Variants in AKNAD1 observed in about 807,000 individuals in gnomAD.
AKNAD1 encodes AKNA domain containing 1.
AKNAD1 carries 67 observed loss-of-function variants against 90.8 expected under a neutral mutation model. That is an observed-to-expected ratio of 0.74 (90% CI 0.61 to 0.90). The LOEUF (loss-of-function observed/expected upper bound fraction) is 0.90, where lower values mean the gene tolerates loss of function less well. Ranked by LOEUF, AKNAD1 falls within the 40% of genes least tolerant of loss-of-function variation. The pLI, the probability that AKNAD1 is intolerant of heterozygous loss-of-function variation, is 0.00. For missense variants in AKNAD1, 957 were observed against 975.4 expected (o/e 0.98, Z 0.25); for synonymous variants, 327 against 341.4 (o/e 0.96, Z 0.46).
At chr1:108,836,483 G>A (rs920314794) in intron 7 of AKNAD1, among the ~76,000 whole-genome samples, 1 of 152,126 alleles carries the variant, frequency 6.6e-6, no homozygotes, top group Non-Finnish European at 1.5e-5. Context: ...GGGGGATTGG[G>A]GGGCTTGGGG....
chr1:108,855,338 G>C (rs1327933874), intron 1 of AKNAD1, among the ~76,000 whole-genome samples: 2 of 151,974 alleles, frequency 1.3e-5, no homozygotes, highest in Non-Finnish European at 2.9e-5. Flanking sequence ...ACTTGAACCC[G>C]GGAGGCAGAG....
intron 5 of AKNAD1, 135 bp downstream of exon 5, chr1:108,848,617 C>T (rs563872878): frequency 6.6e-5 from 51 of 773,496 alleles, no homozygotes; most frequent in Admixed American, 3.0e-4. Flanking sequence ...CCCCCATAAA[C>T]AAAGATGGTT....
intron 6 of AKNAD1, among the ~76,000 whole-genome samples, chr1:108,841,553 A>G (rs1207282725): frequency 6.6e-6 from 1 of 152,176 alleles, no homozygotes; most frequent in Non-Finnish European, 1.5e-5. Context: ...TTTGCACATT[A>G]CCTTGTAAAG....
chr1:108,849,220 C>G (rs1037559232), intron 3 of AKNAD1, among the ~76,000 whole-genome samples, 160 bp from the exon 4 acceptor site: 1 of 152,162 alleles, frequency 6.6e-6, no homozygotes, highest in Non-Finnish European at 1.5e-5. Flanking sequence ...GTGGCTCACA[C>G]CTGTAATCCC....
intron 13 of AKNAD1, among the ~76,000 whole-genome samples, chr1:108,822,028 T>A (rs1418225585): frequency 1.3e-5 from 2 of 152,174 alleles, no homozygotes; most frequent in African/African-American, 4.8e-5. Flanking sequence ...GATTTAGTCA[T>A]GCTGACCACC....
intron 1 of AKNAD1, among the ~76,000 whole-genome samples, chr1:108,855,301 T>C (rs1664998091): frequency 6.6e-6 from 1 of 152,040 alleles, no homozygotes; most frequent in Admixed American, 6.6e-5. Context: ...TAGTCCCAGC[T>C]AGTCAGGAGG....
chr1:108,833,402 G>T (rs1447683124), intron 9 of AKNAD1, among the ~76,000 whole-genome samples: 2 of 152,118 alleles, frequency 1.3e-5, no homozygotes, highest in Non-Finnish European at 2.9e-5. Context: ...GGGCAACGTG[G>T]TGAAACCTCC....
chr1:108,852,435 G>A lies in AKNAD1; in HGVS notation c.230C>T (p.Thr77Ile). The change falls in exon 2 of 16, where the codon ACT (threonine) becomes ATT (isoleucine). Residue 77 changes from threonine to isoleucine, a missense_variant. Thr to Ile is a moderately conservative substitution (Grantham distance 89, BLOSUM62 -1). Transcript: ENST00000370001. ...TAVTIPLGKI[T>I]ENAANKKDEK... ...GTCTTTTTTGTTGGCAGCATTTTCAGTAATTTTACCCAGGGGTATGGTCAC... is the reference window on the plus strand; with the variant it reads ...GTCTTTTTTGTTGGCAGCATTTTCAATAATTTTACCCAGGGGTATGGTCAC... The A allele has an allele frequency of 6.2e-7, 1 of 1,613,748 alleles. No homozygotes were observed. The highest frequency in any genetic ancestry group is 1.3e-5 in the African/African-American group (1 of 74,944).
At chr1:108,853,655 C>G (rs932706894) in intron 1 of AKNAD1, among the ~76,000 whole-genome samples, 1 of 151,644 alleles carries the variant, frequency 6.6e-6, no homozygotes, top group Non-Finnish European at 1.5e-5. Context: ...ACCAAGGGGC[C>G]GGGCACGGTG....
chr1:108,817,089 A>G lies in AKNAD1; in HGVS notation c.2338T>C (p.Ser780Pro). 1 of 1,614,124 alleles carries G rather than the reference A, an allele frequency of 6.2e-7. No individual in the cohort carries two copies. The highest frequency in any genetic ancestry group is 8.5e-7 in the Non-Finnish European group (1 of 1,180,004). ...TCAGTGCTATCAAAGTCACATAAGG[A>G]TTTGCTTCCAGAAATCCTGCAGGAG... ...FYSCRISGSK[S>P]LCDFDSTEEI... Residue 780 changes from serine (S) to proline (P), a missense_variant, in exon 15 of 16, where the codon TCC (serine) becomes CCC (proline). Physicochemically the swap from Ser to Pro is moderately conservative, Grantham distance 74 (BLOSUM62 -1). Transcript: ENST00000370001.
At chr1:108,853,067 T>C (rs1664918865) in intron 1 of AKNAD1, among the ~76,000 whole-genome samples, 1 of 151,926 alleles carries the variant, frequency 6.6e-6, no homozygotes, top group Non-Finnish European at 1.5e-5. Context: ...TAGGAGATAG[T>C]ATTTGGAGTT....
At chr1:108,829,366 G>A (rs1037058468) in intron 10 of AKNAD1, among the ~76,000 whole-genome samples, 2 of 152,170 alleles carry the variant, frequency 1.3e-5, no homozygotes, top group African/African-American at 4.8e-5. Context: ...ATTTAGAAGA[G>A]AGAAATTTAG....
At chr1:108,830,690 T>A in intron 9 of AKNAD1, 40 bp from the exon 10 acceptor site, 4 of 1,601,116 alleles carry the variant, frequency 2.5e-6, no homozygotes, top group Non-Finnish European at 3.4e-6. Flanking sequence ...TGATAGAGGA[T>A]GTGACTCACG....
At chr1:108,841,337 T>C (rs1391889577) in intron 6 of AKNAD1, among the ~76,000 whole-genome samples, 1 of 152,076 alleles carries the variant, frequency 6.6e-6, no homozygotes, top group Non-Finnish European at 1.5e-5. Flanking sequence ...GATTTGGAGA[T>C]AGAAGAGACA....
chr1:108,842,344 CTAAA>C lies in AKNAD1; in HGVS notation c.1379+786_1379+789del, dbSNP rs1224254574. On this transcript the variant is annotated intron_variant, in intron 6 of 15. Transcript: ENST00000370001. ...GCTAAACTCACAAATATTAAGCCTA[CTAAA>C]TAGTTTCTTTTAATTTATACCAGGA... Among the ~76,000 whole-genome samples the C allele has an allele frequency of 3.3e-5, 5 of 152,250 alleles. No homozygotes were observed. The East Asian group carries it at 9.7e-4, about 29-fold the overall frequency.
intron 6 of AKNAD1, among the ~76,000 whole-genome samples, chr1:108,841,745 A>T (rs532152804): frequency 6.6e-6 from 1 of 152,262 alleles, no homozygotes; most frequent in South Asian, 2.1e-4. Context: ...TCCTTGTCAC[A>T]TTATGCCCAT....
chr1:108,834,150 C>T (rs909744956), intron 9 of AKNAD1, among the ~76,000 whole-genome samples: 10 of 152,002 alleles, frequency 6.6e-5, no homozygotes, highest in African/African-American at 2.2e-4. Flanking sequence ...ATTGCAGGCT[C>T]GCCCCAAACT....
chr1:108,832,601 C>A (rs961854888), intron 9 of AKNAD1, among the ~76,000 whole-genome samples: 11 of 152,140 alleles, frequency 7.2e-5, no homozygotes, highest in African/African-American at 2.7e-4. Flanking sequence ...AAGTTCTCAA[C>A]AATGAACATT....
upstream of AKNAD1, among the ~76,000 whole-genome samples, chr1:108,857,828 C>T (rs775666270): frequency 1.1e-4 from 16 of 152,204 alleles, no homozygotes; most frequent in Admixed American, 2.6e-4. Flanking sequence ...GACTTTGTCA[C>T]GGTAAGAGTT....
Sources: allele counts gnomAD v4.1 joint callset (sites outside exome capture counted in the v4.1 genomes callset), GRCh38; gene constraint gnomAD v4.1.1; transcripts MANE v1.5; gene names NCBI Gene and HGNC (gene_info 2026-07-23, HGNC 2026-07-21).